Variants in SLC7A14 observed in about 807,000 individuals in gnomAD.
SLC7A14 encodes the protein gamma-aminobutyric acid transporter SLC7A14.
SLC7A14 carries 37 observed loss-of-function variants against 60.2 expected under a neutral mutation model. The observed-to-expected ratio is 0.61, with a 90% CI of 0.47 to 0.81. SLC7A14 has a LOEUF of 0.81. SLC7A14 is among the 30% of genes least tolerant of loss of function. SLC7A14 has a pLI of 0.00. For missense variants in SLC7A14, 886 were observed against 982.7 expected (o/e 0.90, Z 1.32); for synonymous variants, 399 against 395.8 (o/e 1.01, Z -0.10).
chr3:170,541,186 A>G (rs1714006185), intron 1 of SLC7A14, among the ~76,000 whole-genome samples: 1 of 152,248 alleles, frequency 6.6e-6, no homozygotes, highest in South Asian at 2.1e-4. Context: ...TTGTAATATT[A>G]CTCACAGTGG....
chr3:170,509,667 T>C (rs1331472865), intron 2 of SLC7A14, among the ~76,000 whole-genome samples: 1 of 139,332 alleles, frequency 7.2e-6, no homozygotes, highest in Non-Finnish European at 1.5e-5. Flanking sequence ...AAAATTAGCC[T>C]GGTGTGGTGG....
At chr3:170,497,892 A>G (rs558781967) in intron 4 of SLC7A14, among the ~76,000 whole-genome samples, 5 of 152,322 alleles carry the variant, frequency 3.3e-5, no homozygotes, top group African/African-American at 1.2e-4. Context: ...GGTCCAGCCC[A>G]TGCTCTTGCT....
intron 5 of SLC7A14, among the ~76,000 whole-genome samples, chr3:170,484,458 G>A (rs187050792): frequency 1.3e-5 from 2 of 152,172 alleles, no homozygotes; most frequent in African/African-American, 4.8e-5. Flanking sequence ...TTATTGATCT[G>A]CCTAACATCC....
chr3:170,571,624 G>A (rs368600264), intron 1 of SLC7A14, among the ~76,000 whole-genome samples: 1 of 152,216 alleles, frequency 6.6e-6, no homozygotes, highest in South Asian at 2.1e-4. Context: ...CAAGAAAATG[G>A]TTCCTATCTT....
rs973703636 is a variant in SLC7A14, at chr3:170,461,032, A to C, written c.*6023T>G. ...CGGGTTCAAGCGATTCTCCTGCCTC[A>C]GCCTCCCTAATAGCTGGGATTACAG... is the stretch of plus-strand genomic sequence containing the variant. On this transcript the variant is annotated 3_prime_UTR_variant, in exon 8 of 8. Coordinates refer to ENST00000231706, the MANE Select transcript of SLC7A14 (RefSeq NM_020949.3). The C allele has an allele frequency of 5.9e-5, 9 of 152,404 alleles. No homozygotes were observed. The highest frequency in any genetic ancestry group is 8.8e-5 in the Non-Finnish European group (6 of 68,240). 9.4% of individuals were successfully genotyped at this position (152,404 alleles called of 1,614,324 possible).
chr3:170,537,290 C>T (rs560534706), intron 1 of SLC7A14, among the ~76,000 whole-genome samples: 23 of 152,296 alleles, frequency 1.5e-4, no homozygotes, highest in African/African-American at 5.5e-4. Context: ...TTCTTCAAAA[C>T]CAGCAACATA....
At chr3:170,486,452 C>G in intron 4 of SLC7A14, 84 bp from the exon 5 acceptor site, 1 of 1,562,618 alleles carries the variant, frequency 6.4e-7, no homozygotes, top group Non-Finnish European at 8.8e-7. Context: ...TTGCTCTATG[C>G]CCTGCAGACA....
At chr3:170,564,661 C>A (rs1420589292) in intron 1 of SLC7A14, among the ~76,000 whole-genome samples, 1 of 152,200 alleles carries the variant, frequency 6.6e-6, no homozygotes, top group Non-Finnish European at 1.5e-5. Context: ...AGTGTATATT[C>A]TTTCTAAGCA....
rs2108321903 is a variant in SLC7A14 at position 170,585,227 on chromosome 3, G to A, written c.-153+684C>T. On this transcript the variant is annotated intron_variant, in intron 1 of 7. Transcript: ENST00000231706. The surrounding 1 kb of genome is among the most constrained non-coding windows in gnomAD (Gnocchi z 5.1). ...GAGAGCTCCCCTTGCTGGGGCTGCC[G>A]GCTCTGGGCAGGGAGCTTCCCTGGA... 1.3e-5 allele frequency among the ~76,000 whole-genome samples: 2 copies of A among 152,240 alleles called. No homozygotes were observed. Among genetic ancestry groups the A allele is most frequent in the South Asian group, 4.1e-4 (2 of 4,830 alleles).
chr3:170,543,140 C>T (rs184164581), intron 1 of SLC7A14, among the ~76,000 whole-genome samples: 2 of 152,282 alleles, frequency 1.3e-5, no homozygotes, highest in Admixed American at 6.5e-5. Context: ...TGGGGTTGAC[C>T]TGTCTGAGAC....
intron 1 of SLC7A14, among the ~76,000 whole-genome samples, chr3:170,572,822 C>T (rs745761457): frequency 1.3e-5 from 2 of 152,134 alleles, no homozygotes; most frequent in Admixed American, 6.5e-5. Flanking sequence ...GAAAGTGTGT[C>T]AAAAGTCTTT....
intron 1 of SLC7A14, among the ~76,000 whole-genome samples, chr3:170,571,990 A>C (rs1365436118): frequency 6.6e-6 from 1 of 151,244 alleles, no homozygotes; most frequent in Non-Finnish European, 1.5e-5. Flanking sequence ...GAGCCCAGGA[A>C]ATGGAGGTTG....
Position 170,480,505 on chromosome 3 carries a change from G to A in SLC7A14, c.1777C>T (p.Gln593Ter). ...IIFGSDYISE[Q>*]SWWAILLVVL... ...ACCAGAAGGATGGCCCACCAGCTCTGCTCTGAGATGTAGTCAGAACCAAAG... is the reference window on the plus strand; with the variant it reads ...ACCAGAAGGATGGCCCACCAGCTCTACTCTGAGATGTAGTCAGAACCAAAG... The change falls in exon 7 of 8, where the codon CAG becomes TAG. Residue 593 changes from glutamine to a stop codon, truncating the protein, a stop_gained. Coordinates refer to ENST00000231706, the MANE Select transcript of SLC7A14 (RefSeq NM_020949.3). LOFTEE classifies it high-confidence loss of function. 1 of 1,614,242 alleles carries A rather than the reference G, an allele frequency of 6.2e-7. No homozygotes were observed. Among genetic ancestry groups the A allele is most frequent in the Non-Finnish European group, 8.5e-7 (1 of 1,180,052 alleles).
chr3:170,533,455 A>G (rs1713739710), intron 1 of SLC7A14, among the ~76,000 whole-genome samples: 1 of 152,212 alleles, frequency 6.6e-6, no homozygotes, highest in Non-Finnish European at 1.5e-5. Context: ...AGCAACTAAC[A>G]TATATCTTGG....
At chr3:170,478,794 G>A (rs1179147353) in intron 7 of SLC7A14, among the ~76,000 whole-genome samples, 1 of 152,096 alleles carries the variant, frequency 6.6e-6, no homozygotes, top group African/African-American at 2.4e-5. Flanking sequence ...GTGTATTCCT[G>A]ATCTCTAGGA....
At chr3:170,472,803 G>A (rs1015221512) in intron 7 of SLC7A14, among the ~76,000 whole-genome samples, 2 of 151,786 alleles carry the variant, frequency 1.3e-5, no homozygotes, top group Non-Finnish European at 2.9e-5. Context: ...TTGCAGTGAC[G>A]GGAAATATTC....
chr3:170,521,739 G>C (rs182496479), intron 2 of SLC7A14, among the ~76,000 whole-genome samples: 48 of 152,276 alleles, frequency 3.2e-4, no homozygotes, highest in African/African-American at 8.9e-4. Flanking sequence ...TGGCCAATGT[G>C]GTAAAACCCT....
chr3:170,491,236 C>T (rs562041800), intron 4 of SLC7A14, among the ~76,000 whole-genome samples: 1 of 152,294 alleles, frequency 6.6e-6, no homozygotes, highest in Admixed American at 6.5e-5. Flanking sequence ...ATGCTACTTT[C>T]CTCTAAATGA....
At chr3:170,549,214 C>CA (rs746070943) in intron 1 of SLC7A14, among the ~76,000 whole-genome samples, 1 of 129,516 alleles carries the variant, frequency 7.7e-6, no homozygotes, top group Non-Finnish European at 1.6e-5. Flanking sequence ...CGGCCTTCTT[C>CA]TTTTTTTTTT....
Sources: gnomAD v4.1 joint callset for allele counts (sites outside exome capture counted in the v4.1 genomes callset) on GRCh38, gnomAD v4.1.1 for gene constraint, Gnocchi (gnomAD v3.1) non-coding constraint, MANE v1.5 for transcripts, NCBI Gene and HGNC (gene_info 2026-07-23, HGNC 2026-07-21) for gene names.